The following NALF1 variants were observed in gnomAD, a reference collection of about 807,000 sequenced individuals.
The protein encoded by NALF1 is NALCN channel auxiliary factor 1.
A neutral mutation model predicts 48.4 loss-of-function variants in NALF1; 3 were observed. That is an observed-to-expected ratio of 0.06 (90% CI 0.03 to 0.16). The LOEUF is 0.16. NALF1 is among the 10% of genes least tolerant of loss of function. NALF1 has a pLI of 1.00. For synonymous variants in NALF1, 262 were observed against 245.7 expected (o/e 1.07, Z -0.62); for missense variants, 526 against 571.5 (o/e 0.92, Z 0.81).
At chr13:107,725,034 A>AAT (rs1477512682) in intron 1 of NALF1, among the ~76,000 whole-genome samples, 1 of 152,248 alleles carries the variant, frequency 6.6e-6, no homozygotes, top group Non-Finnish European at 1.5e-5. Flanking sequence ...TTTATTGATA[A>AAT]ATATTTTGTG....
intron 1 of NALF1, among the ~76,000 whole-genome samples, chr13:107,657,325 A>G (rs1266475881): frequency 6.6e-6 from 1 of 152,124 alleles, no homozygotes; most frequent in Non-Finnish European, 1.5e-5. Context: ...AAACTAAGCT[A>G]ATTACTTATT....
At position 107,236,662 on chromosome 13, in the gene NALF1, CATCTGTCTGTCTATCTATCT is replaced by C. The variant is rs1184833854; in HGVS notation, c.916-25927_916-25908del. On this transcript the variant is annotated intron_variant, in intron 1 of 2. Coordinates refer to ENST00000375915, the MANE Select transcript of NALF1 (RefSeq NM_001080396.3). The stretch of plus-strand genomic sequence containing the variant: ...TTAATTATGGCACTATCTATCTATC[CATCTGTCTGTCTATCTATCT>C]ATCTATCTATCTATCTATCTATCTA... 1.1e-4 allele frequency among the ~76,000 whole-genome samples: 16 copies of C among 148,164 alleles called. 1 individual carries two copies. The South Asian group carries it at 2.4e-3, about 22-fold the overall frequency.
At chr13:107,656,543 T>G (rs542461602) in intron 1 of NALF1, among the ~76,000 whole-genome samples, 1 of 152,174 alleles carries the variant, frequency 6.6e-6, no homozygotes, top group East Asian at 1.9e-4. Context: ...AAAAGGAACA[T>G]TTTTACAATG....
At chr13:107,347,528 A>T (rs1181146013) in intron 1 of NALF1, among the ~76,000 whole-genome samples, 1 of 152,228 alleles carries the variant, frequency 6.6e-6, no homozygotes, top group Non-Finnish European at 1.5e-5. Flanking sequence ...ATTCAACTAC[A>T]GTACAGTCTA....
intron 1 of NALF1, among the ~76,000 whole-genome samples, chr13:107,558,509 G>T (rs974594048): frequency 1.4e-4 from 22 of 152,124 alleles, no homozygotes; most frequent in African/African-American, 5.1e-4. Flanking sequence ...AATACTAAGA[G>T]CAACCGTGGT....
intron 1 of NALF1, among the ~76,000 whole-genome samples, chr13:107,504,133 T>C (rs1875616524): frequency 1.3e-5 from 2 of 151,156 alleles, no homozygotes; most frequent in Admixed American, 1.3e-4. Flanking sequence ...GTGCCTGTAG[T>C]CCCAGCTACT....
intron 1 of NALF1, among the ~76,000 whole-genome samples, chr13:107,700,683 A>G (rs1370385367): frequency 6.6e-6 from 1 of 152,114 alleles, no homozygotes; most frequent in South Asian, 2.1e-4. Context: ...AATCTACAAA[A>G]TGAAAAATCA....
chr13:107,575,775 G>T (rs1434844272), intron 1 of NALF1, among the ~76,000 whole-genome samples: 1 of 152,096 alleles, frequency 6.6e-6, no homozygotes, highest in Non-Finnish European at 1.5e-5. Context: ...CAAAATTGTA[G>T]CATCTAAGGT....
At chr13:107,730,281 T>C (rs779918616) in intron 1 of NALF1, among the ~76,000 whole-genome samples, 8 of 152,232 alleles carry the variant, frequency 5.3e-5, no homozygotes, top group Non-Finnish European at 8.8e-5. Context: ...TCCCACACTT[T>C]GCATATCACA....
intron 1 of NALF1, among the ~76,000 whole-genome samples, chr13:107,283,284 C>G (rs1323812409): frequency 6.6e-6 from 1 of 152,048 alleles, no homozygotes; most frequent in African/African-American, 2.4e-5. Context: ...ACATGTGTGC[C>G]AATAAACATG....
At chr13:107,680,914 G>C (rs994997282) in intron 1 of NALF1, among the ~76,000 whole-genome samples, 1 of 149,472 alleles carries the variant, frequency 6.7e-6, no homozygotes, top group African/African-American at 2.5e-5. Context: ...GGTGTGAGAG[G>C]GTGTATGAGA....
rs551112425 is a variant in NALF1, at chr13:107,716,972, T to C, written c.915+148710A>G. 2.6e-5 allele frequency among the ~76,000 whole-genome samples: 4 copies of C among 152,058 alleles called. No homozygotes were observed. The South Asian group carries it at 6.2e-4, about 24-fold the overall frequency. On this transcript the variant is annotated intron_variant, in intron 1 of 2. Coordinates refer to ENST00000375915, the MANE Select transcript of NALF1 (RefSeq NM_001080396.3). ...AAACCAAAATCACTGACTCTCAGAG[T>C]TGGGAGTAAACTTAAAGATCATCTC...
intron 1 of NALF1, among the ~76,000 whole-genome samples, chr13:107,338,995 G>C (rs1025003467): frequency 2.0e-5 from 3 of 152,004 alleles, no homozygotes; most frequent in African/African-American, 7.2e-5. Flanking sequence ...TTAGCCGGGC[G>C]TGGTGGCAGG....
intron 1 of NALF1, among the ~76,000 whole-genome samples, chr13:107,496,976 C>T (rs575900218): frequency 1.6e-4 from 25 of 152,216 alleles, no homozygotes; most frequent in Non-Finnish European, 2.9e-4. Context: ...GGACACAGAG[C>T]CAAACCATAT....
chr13:107,463,024 A>G (rs1474906523), intron 1 of NALF1, among the ~76,000 whole-genome samples: 1 of 152,216 alleles, frequency 6.6e-6, no homozygotes, highest in East Asian at 1.9e-4. Context: ...TAGGATGGGC[A>G]GACACATAAA....
chr13:107,841,087 C>T (rs1325849034), intron 1 of NALF1, among the ~76,000 whole-genome samples: 3 of 152,230 alleles, frequency 2.0e-5, no homozygotes, highest in Middle Eastern at 3.4e-3. Flanking sequence ...ATTTACTCAA[C>T]AAAAGTGAAT....
intron 2 of NALF1, among the ~76,000 whole-genome samples, chr13:107,187,733 A>G (rs574001892): frequency 3.7e-4 from 57 of 152,216 alleles, no homozygotes; most frequent in African/African-American, 1.3e-3. Flanking sequence ...AATTCCCCCA[A>G]ACAAATCCTG....
At chr13:107,182,226 CTGTGTG>C (rs148923366) in intron 2 of NALF1, among the ~76,000 whole-genome samples, 4 of 145,158 alleles carry the variant, frequency 2.8e-5, no homozygotes, top group Non-Finnish European at 6.0e-5. Context: ...TTTATTTATG[CTGTGTG>C]TGTGTGTGTG....
intron 1 of NALF1, among the ~76,000 whole-genome samples, chr13:107,356,859 T>C (rs773999007): frequency 5.3e-5 from 8 of 152,200 alleles, no homozygotes; most frequent in Non-Finnish European, 1.0e-4. Flanking sequence ...TAACTCACTA[T>C]GAGAAATGTA....
Sources: allele counts gnomAD v4.1 joint callset (sites outside exome capture counted in the v4.1 genomes callset), GRCh38; gene constraint gnomAD v4.1.1; transcripts MANE v1.5; gene names NCBI Gene and HGNC (gene_info 2026-07-23, HGNC 2026-07-21).